The following C12orf75 variants were observed in gnomAD, a reference collection of about 807,000 sequenced individuals.
C12orf75 encodes the protein overexpressed in colon carcinoma 1 protein.
Under a neutral mutation model 11.4 loss-of-function variants are expected in C12orf75, and 4 were observed. That is an observed-to-expected ratio of 0.35 (90% CI 0.17 to 0.80). The LOEUF (loss-of-function observed/expected upper bound fraction) is 0.80, where lower values mean the gene tolerates loss of function less well. C12orf75 is among the 30% of genes least tolerant of loss of function. The probability of loss-of-function intolerance (pLI) is 0.52; values close to 1 mark genes in which losing one functional copy is unlikely to be tolerated. For synonymous variants in C12orf75, 30 were observed against 30.0 expected (o/e 1.00, Z 0.00); for missense variants, 89 against 80.4 (o/e 1.11, Z -0.41).
intron 2 of C12orf75, among the ~76,000 whole-genome samples, chr12:105,354,040 C>T (rs985436840): frequency 6.6e-6 from 1 of 152,172 alleles, no homozygotes; most frequent in Non-Finnish European, 1.5e-5. Context: ...ATGTCTAATG[C>T]ACCCATGTCA....
intron 2 of C12orf75, among the ~76,000 whole-genome samples, chr12:105,351,689 A>G (rs749411163): frequency 2.0e-5 from 3 of 152,114 alleles, no homozygotes; most frequent in Non-Finnish European, 4.4e-5. Context: ...GCATGAAAAA[A>G]GGCATGGGAG....
chr12:105,332,415 G>A (rs1265419593), intron 1 of C12orf75, among the ~76,000 whole-genome samples: 2 of 152,102 alleles, frequency 1.3e-5, no homozygotes, highest in East Asian at 1.9e-4. Context: ...GATGGGGAGG[G>A]GGTACCATTG....
intron 1 of C12orf75, among the ~76,000 whole-genome samples, chr12:105,342,022 C>T (rs1055905971): frequency 6.6e-6 from 1 of 152,196 alleles, no homozygotes; most frequent in African/African-American, 2.4e-5. Context: ...AACTGTGAGT[C>T]AATTAAGCAT....
intron 2 of C12orf75, among the ~76,000 whole-genome samples, chr12:105,356,592 T>C (rs7959025): frequency 0.012 from 1,869 of 152,314 alleles, 51 homozygotes; most frequent in African/African-American, 0.042. Flanking sequence ...GTGAGAACTT[T>C]CTGAATTTTC....
chr12:105,359,141 T>C (rs1335988114), intron 2 of C12orf75, among the ~76,000 whole-genome samples: 3 of 152,140 alleles, frequency 2.0e-5, no homozygotes, highest in African/African-American at 7.2e-5. Flanking sequence ...GACTCCATGG[T>C]TGTGAAATTG....
intron 2 of C12orf75, 31 bp from the exon 3 acceptor site, chr12:105,365,776 T>A: frequency 2.0e-6 from 3 of 1,497,912 alleles, no homozygotes; most frequent in Non-Finnish European, 2.7e-6. Flanking sequence ...TGTAACCAAG[T>A]GTCTCATAGC....
rs1892671649 is a variant in C12orf75 at position 105,348,622 on chromosome 12, G to A, written c.67G>A (p.Asp23Asn). The change falls in exon 2 of 6, where the codon GAT becomes AAT. Residue 23 changes from aspartate to asparagine, a missense_variant. Physicochemically the swap from Asp to Asn is conservative, Grantham distance 23. Transcript: ENST00000443585. Reference sequence around the variant, plus strand: ...TCTAGGCCCTGCAGGAGCAGCCAAAGATGTGTAAGTATTGAATATTAATGA... The same window carrying A: ...TCTAGGCCCTGCAGGAGCAGCCAAAAATGTGTAAGTATTGAATATTAATGA... ...AGQGPAGAAKDVTEESVTEDD... is the reference protein window; with the variant it reads ...AGQGPAGAAKNVTEESVTEDD... 2.0e-6 allele frequency: 3 copies of A among 1,538,096 alleles called. No individual in the cohort carries two copies. The African/African-American group carries it at 4.1e-5, about 21-fold the overall frequency.
chr12:105,352,748 C>T (rs531302575), intron 2 of C12orf75, among the ~76,000 whole-genome samples: 14 of 152,160 alleles, frequency 9.2e-5, no homozygotes, highest in Admixed American at 2.6e-4. Flanking sequence ...GAGAGAATAA[C>T]GATGCATGTA....
At chr12:105,338,868 C>A (rs1892530419) in intron 1 of C12orf75, among the ~76,000 whole-genome samples, 2 of 152,272 alleles carry the variant, frequency 1.3e-5, no homozygotes, top group African/African-American at 2.4e-5. Context: ...TTAGACCCCA[C>A]CCCCATGAGA....
intron 1 of C12orf75, among the ~76,000 whole-genome samples, chr12:105,346,085 T>A (rs1892636542): frequency 6.6e-6 from 1 of 152,202 alleles, no homozygotes; most frequent in African/African-American, 2.4e-5. Flanking sequence ...TGATTCCAGA[T>A]CTTTAAATAA....
At chr12:105,361,050 A>G (rs893878960) in intron 2 of C12orf75, among the ~76,000 whole-genome samples, 2 of 152,082 alleles carry the variant, frequency 1.3e-5, no homozygotes, top group African/African-American at 4.8e-5. Flanking sequence ...TGTTGGGATT[A>G]AAGGTGTGAG....
rs200950023 is a variant in C12orf75 at position 105,355,168 on chromosome 12, C to CTTTTTTTTTTTTTTTTTTTTTTTTTTT, written c.71+6547_71+6548insTTTTTTTTTTTTTTTTTTTTTTTTTTT. Among the ~76,000 whole-genome samples the CTTTTTTTTTTTTTTTTTTTTTTTTTTT allele has an allele frequency of 2.7e-5, 2 of 74,226 alleles. 1 individual carries two copies. 48.7% of individuals were successfully genotyped at this position (74,226 alleles called of 152,430 possible). A position where few individuals can be genotyped will look rare whatever the true frequency, so the allele number is the denominator to read the frequency against. The stretch of plus-strand genomic sequence containing the variant: ...GGGTGGTTTTCACGAATTTCTTTTT[C>CTTTTTTTTTTTTTTTTTTTTTTTTTTT]TTTTTCTTTTTCTTTTTTTTTTTCA... On this transcript the variant is annotated intron_variant, in intron 2 of 5. Transcript: ENST00000443585.
At chr12:105,339,439 G>A (rs1396433697) in intron 1 of C12orf75, among the ~76,000 whole-genome samples, 1 of 142,274 alleles carries the variant, frequency 7.0e-6, no homozygotes, top group African/African-American at 2.6e-5. Flanking sequence ...ATTTTATTTC[G>A]GGTGTGTGTG....
At chr12:105,333,212 T>C (rs1892458714) in intron 1 of C12orf75, among the ~76,000 whole-genome samples, 3 of 152,294 alleles carry the variant, frequency 2.0e-5, no homozygotes, top group South Asian at 2.1e-4. Flanking sequence ...CTGGCTGACT[T>C]TGGGATTTGG....
intron 1 of C12orf75, among the ~76,000 whole-genome samples, chr12:105,333,100 G>C (rs1318415116): frequency 6.6e-6 from 1 of 152,106 alleles, no homozygotes; most frequent in Admixed American, 6.5e-5. Flanking sequence ...AAACATGCAG[G>C]AGACAACATG....
chr12:105,346,624 C>T (rs1892644757), intron 1 of C12orf75, among the ~76,000 whole-genome samples: 1 of 151,892 alleles, frequency 6.6e-6, no homozygotes, highest in Non-Finnish European at 1.5e-5. Flanking sequence ...AATGTTCTTC[C>T]CTGAAGAAAG....
At chr12:105,347,087 TA>T (rs1365682640) in intron 1 of C12orf75, among the ~76,000 whole-genome samples, 3 of 152,368 alleles carry the variant, frequency 2.0e-5, no homozygotes, top group African/African-American at 7.2e-5. Context: ...AAAGGATGCT[TA>T]ATACCATATA....
chr12:105,356,367 A>G (rs572446536), intron 2 of C12orf75, among the ~76,000 whole-genome samples: 1 of 150,114 alleles, frequency 6.7e-6, no homozygotes, highest in East Asian at 2.0e-4. Context: ...TTCAATTTTT[A>G]CTGTTTACGA....
rs1892407683 is a variant in C12orf75, at chr12:105,330,708, C to A, written c.-184C>A. ...TGCCGGGTGGTTTCCGCCCGGCAGC[C>A]CGCAGCCCGCTGCGCCCCGGGCCGC... On this transcript the variant is annotated 5_prime_UTR_variant, in exon 1 of 6. Coordinates refer to ENST00000443585, the MANE Select transcript of C12orf75 (RefSeq NM_001145199.2). 3 of 454,802 alleles carry A rather than the reference C, an allele frequency of 6.6e-6. No homozygotes were observed. Among genetic ancestry groups the A allele is most frequent in the Admixed American group, 5.2e-5 (1 of 19,176 alleles). 28.2% of individuals were successfully genotyped at this position (454,802 alleles called of 1,614,324 possible). A position where few individuals can be genotyped will look rare whatever the true frequency, so the allele number is the denominator to read the frequency against.
Sources: allele counts gnomAD v4.1 joint callset (sites outside exome capture counted in the v4.1 genomes callset), GRCh38; gene constraint gnomAD v4.1.1; transcripts MANE v1.5; gene names NCBI Gene and HGNC (gene_info 2026-07-23, HGNC 2026-07-21).